The following TBC1D32 variants were observed in gnomAD, a reference collection of about 807,000 sequenced individuals.
TBC1D32 encodes TBC1 domain family member 32, also known as protein broad-minded.
Under a neutral mutation model 170.3 loss-of-function variants are expected in TBC1D32, and 151 were observed. That is an observed-to-expected ratio of 0.89 (90% CI 0.78 to 1.01). The LOEUF is 1.01. TBC1D32 is among the 50% of genes least tolerant of loss of function. The pLI, the probability that TBC1D32 is intolerant of heterozygous loss-of-function variation, is 0.00. For synonymous variants in TBC1D32, 498 were observed against 488.0 expected (o/e 1.02, Z -0.27); for missense variants, 1,464 against 1,457.1 (o/e 1.00, Z -0.08).
At chr6:121,310,061 T>TA (rs2128486971) in intron 4 of TBC1D32, among the ~76,000 whole-genome samples, 1 of 151,760 alleles carries the variant, frequency 6.6e-6, no homozygotes, top group South Asian at 2.1e-4. Flanking sequence ...AAAATTTTTC[T>TA]AAAAAATAAA....
intron 1 of TBC1D32, among the ~76,000 whole-genome samples, chr6:121,330,733 G>A (rs370840147): frequency 1.8e-4 from 28 of 152,228 alleles, no homozygotes; most frequent in African/African-American, 6.5e-4. Context: ...CTGTGGTGGG[G>A]ACTAAGCATC....
chr6:121,253,229 C>CT (rs1798522566), intron 17 of TBC1D32, among the ~76,000 whole-genome samples: 2 of 152,038 alleles, frequency 1.3e-5, no homozygotes, highest in Admixed American at 1.3e-4. Flanking sequence ...TTTCCAGAAT[C>CT]TACAAAGAAG....
chr6:121,124,002 T>C (rs1251209281), intron 26 of TBC1D32, among the ~76,000 whole-genome samples: 1 of 151,998 alleles, frequency 6.6e-6, no homozygotes, highest in African/African-American at 2.4e-5. Context: ...TCTACCACCA[T>C]TTTGAATTTT....
intron 21 of TBC1D32, 90 bp downstream of exon 21, chr6:121,223,146 T>C (rs1794705665): frequency 3.7e-6 from 3 of 809,140 alleles, no homozygotes; most frequent in South Asian, 3.8e-5. Context: ...ATAATGTTTC[T>C]TTTTTCTCTT....
In TBC1D32 at chr6:121,281,526, T is replaced by G; in HGVS notation, c.1608+18A>C. Reference sequence around the variant, plus strand: ...CCCAGGTAAGAGACTCTTTTTCTCCTTAGTAAATAATACGAACCTCATTTC... The same window carrying G: ...CCCAGGTAAGAGACTCTTTTTCTCCGTAGTAAATAATACGAACCTCATTTC... On this transcript the variant is annotated intron_variant, in intron 14 of 31. Transcript: ENST00000398212. The G allele has an allele frequency of 6.3e-7, 1 of 1,595,632 alleles. No homozygotes were observed. Among genetic ancestry groups the G allele is most frequent in the Non-Finnish European group, 8.5e-7 (1 of 1,170,174 alleles).
chr6:121,170,252 C>T (rs1020943145), intron 22 of TBC1D32, among the ~76,000 whole-genome samples: 1 of 151,950 alleles, frequency 6.6e-6, no homozygotes, highest in Admixed American at 6.6e-5. Flanking sequence ...CTTTCTGTGA[C>T]ATTTACACTT....
rs1459397946 is a variant in TBC1D32 at position 121,299,393 on chromosome 6, T to C, written c.1140+53A>G. 5 of 1,438,022 alleles carry C rather than the reference T, an allele frequency of 3.5e-6. No homozygotes were observed. The African/African-American group carries it at 5.7e-5, about 16-fold the overall frequency. 89.1% of individuals were successfully genotyped at this position (1,438,022 alleles called of 1,614,324 possible). A position where few individuals can be genotyped will look rare whatever the true frequency, so the allele number is the denominator to read the frequency against. The stretch of plus-strand genomic sequence containing the variant: ...TTTGCATAGTCAAGTTATTACATCA[T>C]ATATATTCTGGTGATATTATTTCTC... On this transcript the variant is annotated intron_variant, in intron 10 of 31. Coordinates refer to ENST00000398212, the MANE Select transcript of TBC1D32 (RefSeq NM_152730.6).
chr6:121,277,487 CAAA>C (rs755504493), intron 15 of TBC1D32, among the ~76,000 whole-genome samples: 2,387 of 28,084 alleles, frequency 0.085, 38 homozygotes, highest in East Asian at 0.26. Context: ...GACTCCATCT[CAAA>C]AAAAAAAAAA....
Position 121,214,605 on chromosome 6 carries a change from A to G in TBC1D32, c.2481+8631T>C, listed in dbSNP as rs147389391. 3.7e-3 allele frequency among the ~76,000 whole-genome samples: 563 copies of G among 152,276 alleles called. 5 individuals carry two copies. The highest frequency in any genetic ancestry group is 6.8e-3 in the Middle Eastern group (2 of 294). ...GCACCAGGGAACACAGCAGGGCCCA[A>G]AATCCTGGAGATGCCAGGAACCACA... On this transcript the variant is annotated intron_variant, in intron 21 of 31. Transcript: ENST00000398212.
Position 121,088,035 on chromosome 6 carries a change from C to T in TBC1D32, c.3654+2818G>A, listed in dbSNP as rs775500515. On this transcript the variant is annotated intron_variant, in intron 31 of 31. Coordinates refer to ENST00000398212, the MANE Select transcript of TBC1D32 (RefSeq NM_152730.6). ...GTACAATCATGGCCCACTGCGGCCT[C>T]GACCTCCTGGGCTCAATTGATCCTC... Among the ~76,000 whole-genome samples, 5 of 151,390 alleles carry T rather than the reference C, an allele frequency of 3.3e-5. 1 individual carries two copies. Among genetic ancestry groups the T allele is most frequent in the South Asian group, 4.2e-4 (2 of 4,790 alleles).
Position 121,110,668 on chromosome 6 carries a change from C to A in TBC1D32, c.3324+1837G>T, listed in dbSNP as rs1582814965. On this transcript the variant is annotated intron_variant, in intron 29 of 31. Transcript: ENST00000398212. ...CACCACAATGTTTGAGACAATGGAA[C>A]AAATGAAATAGAAAAGGTATCACTT... Among the ~76,000 whole-genome samples, 3 of 152,040 alleles carry A rather than the reference C, an allele frequency of 2.0e-5. No individual in the cohort carries two copies. In the East Asian group the frequency reaches 5.8e-4, roughly 29 times the overall value.
At chr6:121,182,636 T>C (rs993170306) in intron 22 of TBC1D32, among the ~76,000 whole-genome samples, 1 of 152,048 alleles carries the variant, frequency 6.6e-6, no homozygotes, top group Non-Finnish European at 1.5e-5. Context: ...AACCATAATA[T>C]TAAGGCTAGG....
chr6:121,207,092 T>A (rs1474224209), intron 21 of TBC1D32, among the ~76,000 whole-genome samples: 2 of 152,212 alleles, frequency 1.3e-5, no homozygotes, highest in African/African-American at 4.8e-5. Context: ...TAATAATTAT[T>A]GTAATTTTAG....
intron 29 of TBC1D32, among the ~76,000 whole-genome samples, chr6:121,109,031 A>C (rs1778968027): frequency 6.6e-6 from 1 of 152,182 alleles, no homozygotes; most frequent in Admixed American, 6.5e-5. Flanking sequence ...CTGAATCGGC[A>C]AATATGATTA....
chr6:121,223,007 A>C (rs1394019934), intron 21 of TBC1D32, among the ~76,000 whole-genome samples: 1 of 152,140 alleles, frequency 6.6e-6, no homozygotes, highest in Non-Finnish European at 1.5e-5. Flanking sequence ...TCCTGGTTGG[A>C]GTTAGCCTTG....
At chr6:121,095,482 G>A (rs1023121108) in intron 30 of TBC1D32, among the ~76,000 whole-genome samples, 2 of 152,128 alleles carry the variant, frequency 1.3e-5, no homozygotes, top group African/African-American at 4.8e-5. Flanking sequence ...GAATAGGAGT[G>A]GTGAGAGAGG....
chr6:121,317,551 T>C lies in TBC1D32; in HGVS notation c.439A>G (p.Lys147Glu). ...QERQKKIQKE[K>E]SHSYRTDNCS... ...TTGTCTGTGCGGTAACTATGGCTTTTCTCCTTTTGGATTTTTTTCTGCCTT... is the reference window on the plus strand; with the variant it reads ...TTGTCTGTGCGGTAACTATGGCTTTCCTCCTTTTGGATTTTTTTCTGCCTT... The change falls in exon 3 of 32, where the codon AAA becomes GAA. Residue 147 changes from lysine (K) to glutamate (E), a missense_variant. Physicochemically the swap from Lys to Glu is moderately conservative, Grantham distance 56. This residue lies in a region of TBC1D32 where 1,363 missense variants were observed against 1,338.1 expected (regional missense o/e 1.02). Transcript: ENST00000398212. 2 of 1,613,098 alleles carry C rather than the reference T, an allele frequency of 1.2e-6. No individual in the cohort carries two copies. The highest frequency in any genetic ancestry group is 1.7e-6 in the Non-Finnish European group (2 of 1,179,442).
intron 24 of TBC1D32, among the ~76,000 whole-genome samples, chr6:121,147,588 T>G (rs1783628715): frequency 2.0e-5 from 3 of 149,382 alleles, no homozygotes; most frequent in African/African-American, 7.7e-5. Flanking sequence ...TTTTAATATT[T>G]TTTTATTTTT....
chr6:121,213,929 A>T (rs948087192), intron 21 of TBC1D32, among the ~76,000 whole-genome samples: 10 of 152,234 alleles, frequency 6.6e-5, no homozygotes, highest in Admixed American at 3.9e-4. Flanking sequence ...ATTGGTACAA[A>T]AATAGACACA....
Sources: allele counts gnomAD v4.1 joint callset (sites outside exome capture counted in the v4.1 genomes callset), GRCh38; gene constraint gnomAD v4.1.1; regional missense constraint gnomAD v4.1.1; transcripts MANE v1.5; gene names NCBI Gene and HGNC (gene_info 2026-07-23, HGNC 2026-07-21).